KCNJ6: variants seen among roughly 807,000 people sequenced by gnomAD.
The protein encoded by KCNJ6 is potassium inwardly rectifying channel subfamily J member 6.
In KCNJ6, 9 loss-of-function variants were observed where a neutral mutation model predicts 34.2. That is an observed-to-expected ratio of 0.26 (90% CI 0.16 to 0.46). KCNJ6 has a LOEUF of 0.46. Ranked by LOEUF, KCNJ6 falls within the 20% of genes least tolerant of loss-of-function variation. KCNJ6 has a pLI of 1.00. For missense variants in KCNJ6, 236 were observed against 531.3 expected, an observed-to-expected ratio of 0.44 and a Z score of 5.46; for synonymous variants, 196 against 207.1, an observed-to-expected ratio of 0.95 and a Z score of 0.46.
chr21:37,753,243 G>A (rs2055005604), intron 2 of KCNJ6, among the ~76,000 whole-genome samples: 2 of 152,192 alleles, frequency 1.3e-5, no homozygotes, highest in Non-Finnish European at 2.9e-5. Flanking sequence ...GATTGAACCT[G>A]TCAAACAACC....
rs4571137 is a variant in KCNJ6 at position 37,655,226 on chromosome 21, A to G, written c.947-29742T>C. Among the ~76,000 whole-genome samples the G allele has an allele frequency of 2.6e-3, 13 of 5,022 alleles. 1 individual carries two copies. The highest frequency in any genetic ancestry group is 4.4e-3 in the African/African-American group (13 of 2,942). 3.3% of individuals were successfully genotyped at this position (5,022 alleles called of 152,430 possible). On this transcript the variant is annotated intron_variant, in intron 3 of 3. Transcript: ENST00000609713. The stretch of plus-strand genomic sequence containing the variant: ...GTGTGTGTGTGTGTGTGTGTGTGTG[A>G]GAGAGAGAGAGAGAGAGAGAGAGAG...
rs857980 is a variant in KCNJ6, at chr21:37,622,840, G to A, written c.*2319C>T. 109,866 of 152,170 alleles carry A rather than the reference G, an allele frequency of 0.72. 40,046 individuals carry two copies. Among genetic ancestry groups the A allele is most frequent in the East Asian group, 0.87 (4,473 of 5,164 alleles). The allele number at this position is 152,170 out of a possible 1,614,324, so 9.4% of individuals were successfully genotyped here. Reference sequence around the variant, plus strand: ...AGCAATGGAATTAAAAAGGCCCAGTGAGTCTTCAAGAGCTAAATTAGAAGA... The same window carrying A: ...AGCAATGGAATTAAAAAGGCCCAGTAAGTCTTCAAGAGCTAAATTAGAAGA... On this transcript the variant is annotated 3_prime_UTR_variant, in exon 4 of 4. Coordinates refer to ENST00000609713, the MANE Select transcript of KCNJ6 (RefSeq NM_002240.5).
intron 1 of KCNJ6, among the ~76,000 whole-genome samples, chr21:37,896,480 G>C (rs1305608059): frequency 2.0e-5 from 3 of 152,188 alleles, no homozygotes; most frequent in Middle Eastern, 6.3e-3. Context: ...TCACCTGCCT[G>C]GCATGGGGTT....
chr21:37,861,018 A>G (rs570024929), intron 1 of KCNJ6, among the ~76,000 whole-genome samples: 18 of 152,354 alleles, frequency 1.2e-4, no homozygotes, highest in Non-Finnish European at 2.4e-4. Context: ...ATAATGTTAT[A>G]CATAGTTTAT....
chr21:37,672,398 G>A (rs938132013), intron 3 of KCNJ6, among the ~76,000 whole-genome samples: 3 of 152,008 alleles, frequency 2.0e-5, no homozygotes, highest in African/African-American at 7.3e-5. Flanking sequence ...TGATGCAGAA[G>A]GAAGGGAAAG....
intron 3 of KCNJ6, among the ~76,000 whole-genome samples, chr21:37,653,738 A>C (rs1267769037): frequency 6.6e-6 from 1 of 152,174 alleles, no homozygotes; most frequent in Non-Finnish European, 1.5e-5. Context: ...GCAAAGTATT[A>C]GTTTAATTAT....
chr21:37,801,328 C>T (rs1415755682), intron 2 of KCNJ6, among the ~76,000 whole-genome samples: 1 of 152,174 alleles, frequency 6.6e-6, no homozygotes, highest in African/African-American at 2.4e-5. Flanking sequence ...TCTGCAGAGC[C>T]CCTGCCGCAT....
chr21:37,849,430 A>G (rs978862224), intron 1 of KCNJ6, among the ~76,000 whole-genome samples: 1 of 151,992 alleles, frequency 6.6e-6, no homozygotes, highest in African/African-American at 2.4e-5. Flanking sequence ...AACCATCTCT[A>G]TTTCCAAGAG....
rs535271651 is a variant in KCNJ6 at position 37,807,027 on chromosome 21, A to T, written c.25+33631T>A. ...TTCTTTCTCAGCATCATTTATTTTA[A>T]AAATTTTGTAACAATTTAGAAAGGT... On this transcript the variant is annotated intron_variant, in intron 2 of 3. Transcript: ENST00000609713. Among the ~76,000 whole-genome samples, 5 of 152,334 alleles carry T rather than the reference A, an allele frequency of 3.3e-5. No homozygotes were observed. The South Asian group carries it at 1.0e-3, about 32-fold the overall frequency.
intron 1 of KCNJ6, among the ~76,000 whole-genome samples, chr21:37,865,248 G>A (rs570540494): frequency 1.3e-5 from 2 of 152,310 alleles, no homozygotes; most frequent in East Asian, 1.9e-4. Flanking sequence ...TATTTTTAAC[G>A]TGATGCTGAA....
intron 3 of KCNJ6, among the ~76,000 whole-genome samples, chr21:37,707,177 C>T (rs920662957): frequency 6.6e-6 from 1 of 152,200 alleles, no homozygotes; most frequent in Non-Finnish European, 1.5e-5. Flanking sequence ...GCCTGGTGCT[C>T]ACAGGTTAAC....
chr21:37,864,037 G>A (rs906847729), intron 1 of KCNJ6, among the ~76,000 whole-genome samples: 2 of 151,648 alleles, frequency 1.3e-5, no homozygotes, highest in South Asian at 4.2e-4. Context: ...GCTTGAGGCC[G>A]GTTTCAGTCT....
Position 37,778,696 on chromosome 21 carries a change from C to CGTGTGTGTGTGTGTGTGTGTGT in KCNJ6, c.25+61940_25+61961dup, listed in dbSNP as rs61218477. 4.1e-5 allele frequency among the ~76,000 whole-genome samples: 6 copies of CGTGTGTGTGTGTGTGTGTGTGT among 146,268 alleles called. 1 individual carries two copies. In the South Asian group the frequency reaches 8.7e-4, roughly 21 times the overall value. On this transcript the variant is annotated intron_variant, in intron 2 of 3. Coordinates refer to ENST00000609713, the MANE Select transcript of KCNJ6 (RefSeq NM_002240.5). ...ATTGTGTGTATCCGTGTGCTGTGTG[C>CGTGTGTGTGTGTGTGTGTGTGT]GTGTGTGTGTGTGTGTGTGTGTGTG...
At chr21:37,732,941 A>AG (rs1468587025) in intron 2 of KCNJ6, among the ~76,000 whole-genome samples, 1 of 152,080 alleles carries the variant, frequency 6.6e-6, no homozygotes, top group East Asian at 1.9e-4. Flanking sequence ...CAGCAAGAAA[A>AG]GGGGGGGCTG....
intron 2 of KCNJ6, among the ~76,000 whole-genome samples, chr21:37,728,967 TTTTGATTTGCTGTGTCC>T (rs1215221017): frequency 6.6e-6 from 1 of 152,092 alleles, no homozygotes; most frequent in Admixed American, 6.6e-5. Context: ...GGTGAGCTGG[TTTTGATTTGCTGTGTCC>T]CTTGAGCTGT....
intron 2 of KCNJ6, among the ~76,000 whole-genome samples, chr21:37,785,617 A>T (rs1406001269): frequency 6.6e-6 from 1 of 152,234 alleles, no homozygotes; most frequent in East Asian, 1.9e-4. Flanking sequence ...CTCTGAGACA[A>T]TGCACAAATG....
chr21:37,667,946 A>G (rs2054524400), intron 3 of KCNJ6, among the ~76,000 whole-genome samples: 1 of 152,042 alleles, frequency 6.6e-6, no homozygotes, highest in South Asian at 2.1e-4. Flanking sequence ...GAGGCATGCC[A>G]GAGCTCCTTG....
chr21:37,640,376 C>A (rs1305287128), intron 3 of KCNJ6, among the ~76,000 whole-genome samples: 1 of 152,196 alleles, frequency 6.6e-6, no homozygotes, highest in African/African-American at 2.4e-5. Flanking sequence ...ATGGGGAAAA[C>A]AATGACCAGA....
intron 3 of KCNJ6, among the ~76,000 whole-genome samples, chr21:37,642,326 A>T (rs987273927): frequency 1.3e-5 from 2 of 152,158 alleles, no homozygotes. Flanking sequence ...CCTGTCCAGG[A>T]TGTTGAAAGA....
Sources: gnomAD v4.1 joint callset for allele counts (sites outside exome capture counted in the v4.1 genomes callset) on GRCh38, gnomAD v4.1.1 for gene constraint, MANE v1.5 for transcripts, NCBI Gene and HGNC (gene_info 2026-07-23, HGNC 2026-07-21) for gene names.